Variants in CLVS1 observed in about 807,000 individuals in gnomAD.
CLVS1 encodes the protein clavesin-1.
A neutral mutation model predicts 33.1 loss-of-function variants in CLVS1; 10 were observed. That is an observed-to-expected ratio of 0.30 (90% CI 0.19 to 0.51). The LOEUF (loss-of-function observed/expected upper bound fraction) is 0.51, where lower values mean the gene tolerates loss of function less well. Among genes scored for constraint, CLVS1 ranks in the 20% least tolerant of loss-of-function variants. The pLI is 0.97. For missense variants in CLVS1, 343 were observed against 433.4 expected (o/e 0.79, Z 1.85); for synonymous variants, 163 against 166.1 (o/e 0.98, Z 0.14).
In CLVS1 at chr8:61,382,443, T is replaced by A. The variant is rs1040916334; in HGVS notation, c.630+5664T>A. Among the ~76,000 whole-genome samples the A allele has an allele frequency of 2.0e-5, 3 of 152,128 alleles. No homozygotes were observed. The South Asian group carries it at 6.2e-4, about 32-fold the overall frequency. On this transcript the variant is annotated intron_variant, in intron 3 of 5. Coordinates refer to ENST00000325897, the MANE Select transcript of CLVS1 (RefSeq NM_173519.3). ...GTCTAGGGCCTTACTTCTCCAGGTG[T>A]AGTCCACAAACCAGCACTACCAGCA...
upstream of CLVS1, among the ~76,000 whole-genome samples, chr8:61,285,054 A>G (rs548755161): frequency 1.3e-5 from 2 of 152,346 alleles, no homozygotes; most frequent in East Asian, 3.9e-4. Flanking sequence ...GTCTTCAGAC[A>G]GTTATACTTC....
chr8:61,067,694 A>G (rs1335877386), intron 1 of CLVS1, among the ~76,000 whole-genome samples: 1 of 152,062 alleles, frequency 6.6e-6, no homozygotes, highest in East Asian at 1.9e-4. Flanking sequence ...ACATAGAGAG[A>G]CCATATCCTA....
At chr8:61,260,594 T>A (rs1812575) in intron 2 of CLVS1, among the ~76,000 whole-genome samples, 41,043 of 152,050 alleles carry the variant, frequency 0.27, 7,997 homozygotes, top group East Asian at 0.85. Flanking sequence ...GTTAATAGGA[T>A]CTGGAGTGGG....
At chr8:61,268,461 A>G (rs1809359595) in intron 2 of CLVS1, among the ~76,000 whole-genome samples, 1 of 151,506 alleles carries the variant, frequency 6.6e-6, no homozygotes, top group African/African-American at 2.4e-5. Context: ...ATGGTGAATA[A>G]TGCCGCAATA....
intron 1 of CLVS1, among the ~76,000 whole-genome samples, chr8:61,088,787 TTTTTC>T (rs1163255884): frequency 1.3e-5 from 2 of 151,828 alleles, no homozygotes; most frequent in Non-Finnish European, 2.9e-5. Context: ...CAAGCTTTTT[TTTTTC>T]TTTTCTTTTC....
chr8:61,428,773 C>T (rs1815995368), intron 3 of CLVS1, among the ~76,000 whole-genome samples: 1 of 152,186 alleles, frequency 6.6e-6, no homozygotes, highest in South Asian at 2.1e-4. Context: ...CCTGCAGAAC[C>T]TTTGTACAAG....
chr8:61,015,247 A>G, the CLVS1 span, among the ~76,000 whole-genome samples: 3 of 152,330 alleles, frequency 2.0e-5, no homozygotes, highest in East Asian at 5.8e-4. Context: ...CCTATGAGGT[A>G]TTTACTAGTA....
chr8:60,990,900 C>A, the CLVS1 span, among the ~76,000 whole-genome samples: 6 of 151,968 alleles, frequency 3.9e-5, no homozygotes, highest in Non-Finnish European at 5.9e-5. Context: ...TTAGCAGAGA[C>A]GGGTTTTCAC....
At chr8:61,057,763 A>C (rs1481218846) in intron 1 of CLVS1, among the ~76,000 whole-genome samples, 2 of 152,212 alleles carry the variant, frequency 1.3e-5, no homozygotes, top group African/African-American at 2.4e-5. Context: ...AATTGCTTGA[A>C]GTGGGTGGAT....
At chr8:61,052,653 T>C (rs947041154), upstream of CLVS1, among the ~76,000 whole-genome samples, 4 of 152,134 alleles carry the variant, frequency 2.6e-5, no homozygotes, top group Non-Finnish European at 2.9e-5. Flanking sequence ...CCATGTGACC[T>C]GAGCTGAGGG....
At chr8:61,073,071 T>A (rs1804829331) in intron 1 of CLVS1, among the ~76,000 whole-genome samples, 1 of 152,342 alleles carries the variant, frequency 6.6e-6, no homozygotes, top group South Asian at 2.1e-4. Context: ...GGGAGCAGTA[T>A]AGTGTTGGGT....
chr8:61,313,261 CTGCT>C (rs1810900327), intron 2 of CLVS1, among the ~76,000 whole-genome samples: 1 of 152,094 alleles, frequency 6.6e-6, no homozygotes, highest in Non-Finnish European at 1.5e-5. Flanking sequence ...GTGAGGGAGA[CTGCT>C]TGAGACAAAA....
intron 5 of CLVS1, among the ~76,000 whole-genome samples, chr8:61,477,042 C>T (rs534056023): frequency 6.6e-6 from 1 of 152,274 alleles, no homozygotes; most frequent in South Asian, 2.1e-4. Flanking sequence ...TTTTCTGCAT[C>T]TATTGAGATA....
rs190662326 is a variant in CLVS1 at position 61,398,618 on chromosome 8, T to A, written c.630+21839T>A. ...TTGTTACATAGATAAACGTGTGCCA[T>A]GGTGGTTTGCTGCACAGATCATCTC... On this transcript the variant is annotated intron_variant, in intron 3 of 5. Coordinates refer to ENST00000325897, the MANE Select transcript of CLVS1 (RefSeq NM_173519.3). Among the ~76,000 whole-genome samples, 17 of 152,266 alleles carry A rather than the reference T, an allele frequency of 1.1e-4. No homozygotes were observed. In the East Asian group the frequency reaches 2.9e-3, roughly 26 times the overall value.
At position 61,447,706 on chromosome 8, in the gene CLVS1, A is replaced by C. The variant is rs1816806159; in HGVS notation, c.631-6435A>C. Reference sequence around the variant, plus strand: ...AATTGTCTTAAATATTTCCTCCCCTACATACATCTTTGAACCACATCAGAG... The same window carrying C: ...AATTGTCTTAAATATTTCCTCCCCTCCATACATCTTTGAACCACATCAGAG... On this transcript the variant is annotated intron_variant, in intron 3 of 5. Coordinates refer to ENST00000325897, the MANE Select transcript of CLVS1 (RefSeq NM_173519.3). 3.3e-5 allele frequency among the ~76,000 whole-genome samples: 5 copies of C among 151,990 alleles called. No individual in the cohort carries two copies. In the South Asian group the frequency reaches 1.0e-3, roughly 31 times the overall value.
At chr8:61,384,531 G>T (rs2129602134) in intron 3 of CLVS1, among the ~76,000 whole-genome samples, 1 of 152,314 alleles carries the variant, frequency 6.6e-6, no homozygotes, top group South Asian at 2.1e-4. Context: ...AGGAGTTAAG[G>T]ATGAAGGTCA....
intron 1 of CLVS1, among the ~76,000 whole-genome samples, chr8:61,100,355 C>A (rs956088147): frequency 5.3e-5 from 8 of 152,048 alleles, no homozygotes; most frequent in Non-Finnish European, 1.2e-4. Context: ...AGTGAGTGGT[C>A]TAAATTAGTG....
chr8:61,490,382 A>T (rs1804030064), intron 5 of CLVS1, among the ~76,000 whole-genome samples: 1 of 151,892 alleles, frequency 6.6e-6, no homozygotes, highest in South Asian at 2.1e-4. Context: ...ATAAAAGGTA[A>T]ATTGGGCCGG....
At chr8:61,137,669 T>G (rs1445880436) in intron 2 of CLVS1, among the ~76,000 whole-genome samples, 1 of 152,208 alleles carries the variant, frequency 6.6e-6, no homozygotes, top group African/African-American at 2.4e-5. Flanking sequence ...TCTTCAGAAT[T>G]ACTTTCCTTT....
Sources: allele counts gnomAD v4.1 joint callset (sites outside exome capture counted in the v4.1 genomes callset), GRCh38; gene constraint gnomAD v4.1.1; transcripts MANE v1.5; gene names NCBI Gene and HGNC (gene_info 2026-07-23, HGNC 2026-07-21).